The following MLC1 variants were observed in gnomAD, a reference collection of about 807,000 sequenced individuals.
MLC1 encodes the protein modulator of VRAC current 1.
In MLC1, 32 loss-of-function variants were observed where a neutral mutation model predicts 44.7. The ratio of observed to expected loss-of-function variants is 0.72; its 90% CI spans 0.54 to 0.96. The LOEUF is 0.96. MLC1 is among the 40% of genes least tolerant of loss of function. The pLI is 0.00. For synonymous variants in MLC1, 190 were observed against 213.0 expected (o/e 0.89, Z 0.94); for missense variants, 459 against 492.2 (o/e 0.93, Z 0.64).
chr22:50,070,710 G>C, intron 8 of MLC1, 127 bp from the exon 9 acceptor site: 1 of 1,037,636 alleles, frequency 9.6e-7, no homozygotes, highest in South Asian at 1.4e-5. Context: ...GGGGGCAGGG[G>C]GGATGGTGCA....
chr22:50,066,584 C>T (rs1307020173), intron 10 of MLC1, among the ~76,000 whole-genome samples: 1 of 151,834 alleles, frequency 6.6e-6, no homozygotes, highest in Admixed American at 6.6e-5. Flanking sequence ...CACTTGAACC[C>T]AGGAGGCAGA....
chr22:50,079,490 G>C (rs888911191), intron 5 of MLC1, among the ~76,000 whole-genome samples: 1 of 139,450 alleles, frequency 7.2e-6, no homozygotes, highest in Non-Finnish European at 1.5e-5. Flanking sequence ...GTTTCCTTTG[G>C]GATTTTTGTC....
At chr22:50,066,520 T>C (rs182714936) in intron 10 of MLC1, among the ~76,000 whole-genome samples, 1 of 151,968 alleles carries the variant, frequency 6.6e-6, no homozygotes, top group Non-Finnish European at 1.5e-5. Flanking sequence ...ATTAGCCGGG[T>C]GTGTTGGCAT....
intron 2 of MLC1, 115 bp downstream of exon 2, chr22:50,084,611 G>A: frequency 8.9e-7 from 1 of 1,124,370 alleles, no homozygotes. Context: ...GCAGCAGCAG[G>A]GTTAGTCTGA....
Position 50,068,491 on chromosome 22 carries a change from A to G in MLC1, c.836T>C (p.Leu279Pro). The change falls in exon 10 of 12, where the codon CTG (leucine) becomes CCG (proline). Residue 279 changes from leucine to proline, a missense_variant. Transcript: ENST00000311597. ...SPLLFTASGYLSFSIMRIVEM... is the reference protein window; with the variant it reads ...SPLLFTASGYPSFSIMRIVEM... ...CACGATTCTCATGATGCTGAATGAC[A>G]GATATCCAGAGGCTGTGAACAGCAG... 6.2e-7 allele frequency: 1 copy of G among 1,613,926 alleles called. No individual in the cohort carries two copies. Among genetic ancestry groups the G allele is most frequent in the East Asian group, 2.2e-5 (1 of 44,872 alleles).
chr22:50,076,838 T>G lies in MLC1; in HGVS notation c.597+3A>C, dbSNP rs748360162. 1 of 1,613,684 alleles carries G rather than the reference T, an allele frequency of 6.2e-7. No individual in the cohort carries two copies. Among genetic ancestry groups the G allele is most frequent in the Non-Finnish European group, 8.5e-7 (1 of 1,179,646 alleles). On this transcript the variant is annotated splice_donor_region_variant and intron_variant, in intron 7 of 11. Coordinates refer to ENST00000311597, the MANE Select transcript of MLC1 (RefSeq NM_015166.4). ...AAAAGAGAAAGAAGGGAAGTTTTCT[T>G]ACTGAGTAAGATTTCAGGACCCGAG... is the stretch of plus-strand genomic sequence containing the variant.
chr22:50,062,292 T>C (rs113315286), intron 11 of MLC1, among the ~76,000 whole-genome samples: 4,951 of 38,696 alleles, frequency 0.13, 491 homozygotes, highest in South Asian at 0.23. Context: ...CAGCCGTCCA[T>C]CCTGAGCCCC....
chr22:50,080,823 C>CA (rs1476117344), intron 3 of MLC1, among the ~76,000 whole-genome samples: 1 of 152,042 alleles, frequency 6.6e-6, no homozygotes, highest in African/African-American at 2.4e-5. Flanking sequence ...GTAACTCACG[C>CA]AGGCACAAGA....
In MLC1 at chr22:50,061,371, G is replaced by A; in HGVS notation, c.*212C>T. The A allele has an allele frequency of 1.6e-6, 1 of 612,044 alleles. No individual in the cohort carries two copies. 37.9% of individuals were successfully genotyped at this position (612,044 alleles called of 1,614,324 possible). A position where few individuals can be genotyped will look rare whatever the true frequency, so the allele number is the denominator to read the frequency against. On this transcript the variant is annotated 3_prime_UTR_variant, in exon 12 of 12. Coordinates refer to ENST00000311597, the MANE Select transcript of MLC1 (RefSeq NM_015166.4). Reference sequence around the variant, plus strand: ...TGTTACGACACGGGAGCCACTCGGAGCTGACTGATCTCACTGAGGCACAGA... The same window carrying A: ...TGTTACGACACGGGAGCCACTCGGAACTGACTGATCTCACTGAGGCACAGA...
chr22:50,080,103 A>G (rs1381577342), intron 4 of MLC1, 84 bp from the exon 5 acceptor site: 2 of 1,178,482 alleles, frequency 1.7e-6, no homozygotes, highest in South Asian at 1.3e-5. Context: ...CAGGCCATTC[A>G]CTAAAAATTA....
intron 4 of MLC1, 122 bp downstream of exon 4, chr22:50,080,222 G>C: frequency 1.5e-6 from 2 of 1,324,246 alleles, no homozygotes; most frequent in Non-Finnish European, 2.1e-6. Context: ...GGGCAACCTC[G>C]GGGGCCCCTC....
chr22:50,076,186 A>G (rs1305283838), intron 7 of MLC1, among the ~76,000 whole-genome samples: 1 of 152,258 alleles, frequency 6.6e-6, no homozygotes, highest in Admixed American at 6.5e-5. Flanking sequence ...GAATGACAAG[A>G]TAAAGAACAA....
At chr22:50,061,708 G>A (rs368422170) in intron 11 of MLC1, 51 bp from the exon 12 acceptor site, 42 of 1,545,862 alleles carry the variant, frequency 2.7e-5, no homozygotes, top group Middle Eastern at 3.4e-4. Context: ...CCTGTGCGGC[G>A]GGAAGGTGGA....
intron 7 of MLC1, 67 bp downstream of exon 7, chr22:50,076,774 T>C: frequency 6.4e-7 from 1 of 1,556,548 alleles, no homozygotes; most frequent in Non-Finnish European, 8.9e-7. Flanking sequence ...AAACGTGACG[T>C]TTAATCCAGC....
intron 11 of MLC1, 129 bp downstream of exon 11, chr22:50,063,899 TCCCCGG>T: frequency 1.4e-6 from 1 of 708,242 alleles, no homozygotes; most frequent in Non-Finnish European, 1.9e-6. Context: ...GCCACTCACC[TCCCCGG>T]CTGGGCACCC....
intron 3 of MLC1, among the ~76,000 whole-genome samples, chr22:50,081,009 A>AAAAGAAAGAAAGAAAGAGAG (rs2062111502): frequency 1.0e-5 from 1 of 96,740 alleles, no homozygotes; most frequent in African/African-American, 4.5e-5. Flanking sequence ...TTGTCTCAAA[A>AAAAGAAAGAAAGAAAGAGAG]AAAGAAAGAA....
chr22:50,069,169 G>C (rs139229833), intron 9 of MLC1, among the ~76,000 whole-genome samples: 127 of 152,004 alleles, frequency 8.4e-4, no homozygotes, highest in African/African-American at 3.0e-3. Flanking sequence ...TGGGATTACA[G>C]ACATGCGCCA....
chr22:50,085,266 C>T (rs1281021611), intron 1 of MLC1, 89 bp downstream of exon 1: 2 of 1,145,772 alleles, frequency 1.7e-6, no homozygotes, highest in African/African-American at 1.6e-5. Flanking sequence ...ACGCCGGGGA[C>T]TCAAGCACGT....
intron 4 of MLC1, 63 bp downstream of exon 4, chr22:50,080,281 C>A: frequency 6.5e-7 from 1 of 1,536,150 alleles, no homozygotes; most frequent in Non-Finnish European, 8.9e-7. Flanking sequence ...CACACATGGG[C>A]ACACTGTCTG....
Sources: allele counts gnomAD v4.1 joint callset (sites outside exome capture counted in the v4.1 genomes callset), GRCh38; gene constraint gnomAD v4.1.1; transcripts MANE v1.5; gene names NCBI Gene and HGNC (gene_info 2026-07-23, HGNC 2026-07-21).